The following ENTHD1 variants were observed in gnomAD, a reference collection of about 807,000 sequenced individuals.
The protein encoded by ENTHD1 is ENTH domain-containing protein 1.
Under a neutral mutation model 39.1 loss-of-function variants are expected in ENTHD1, and 23 were observed. The ratio of observed to expected loss-of-function variants is 0.59; its 90% CI spans 0.42 to 0.83. The LOEUF is 0.83. ENTHD1 is among the 40% of genes least tolerant of loss of function. ENTHD1 has a pLI of 0.00. For missense variants in ENTHD1, 624 were observed against 705.4 expected, an observed-to-expected ratio of 0.88 and a Z score of 1.31; for synonymous variants, 230 against 258.2, an observed-to-expected ratio of 0.89 and a Z score of 1.05.
intron 5 of ENTHD1, among the ~76,000 whole-genome samples, chr22:39,812,466 T>A (rs998316586): frequency 2.6e-5 from 4 of 152,206 alleles, no homozygotes; most frequent in Non-Finnish European, 5.9e-5. Flanking sequence ...GTGAAGATAT[T>A]TATTTCACTA....
chr22:39,845,436 T>C (rs1445154127), intron 3 of ENTHD1, among the ~76,000 whole-genome samples: 1 of 151,978 alleles, frequency 6.6e-6, no homozygotes, highest in Non-Finnish European at 1.5e-5. Context: ...ATCAGCAAGA[T>C]GTGAAGAAAT....
At chr22:39,756,420 C>T (rs1284662547) in intron 6 of ENTHD1, among the ~76,000 whole-genome samples, 3 of 151,828 alleles carry the variant, frequency 2.0e-5, no homozygotes, top group Non-Finnish European at 2.9e-5. Flanking sequence ...CTGCAACCTC[C>T]GCCTCCCAGG....
intron 3 of ENTHD1, among the ~76,000 whole-genome samples, chr22:39,853,848 T>C (rs1210987401): frequency 6.6e-6 from 1 of 152,210 alleles, no homozygotes; most frequent in Non-Finnish European, 1.5e-5. Context: ...GTGCTGGGAT[T>C]GCAGGCATGA....
intron 6 of ENTHD1, among the ~76,000 whole-genome samples, chr22:39,760,959 G>A (rs1020281853): frequency 2.6e-5 from 4 of 151,894 alleles, no homozygotes; most frequent in African/African-American, 7.3e-5. Flanking sequence ...AGTATTATAA[G>A]TTTTGCTTTA....
rs905251542 is a variant in ENTHD1 at position 39,765,117 on chromosome 22, CA to C, written c.1219+105del. On this transcript the variant is annotated intron_variant, in intron 6 of 6. Coordinates refer to ENST00000325157, the MANE Select transcript of ENTHD1 (RefSeq NM_152512.4). ...AATGATGAAGAGTGAAAGGAGGGAACAAAAAAAGGAGACAGAAAGCAGAGAA... is the reference window on the plus strand; with the variant it reads ...AATGATGAAGAGTGAAAGGAGGGAACAAAAAAGGAGACAGAAAGCAGAGAA... The C allele has an allele frequency of 5.6e-6, 8 of 1,427,550 alleles. No homozygotes were observed. The African/African-American group carries it at 1.0e-4, about 18-fold the overall frequency. The allele number at this position is 1,427,550 out of a possible 1,614,324, so 88.4% of individuals were successfully genotyped here. A position where few individuals can be genotyped will look rare whatever the true frequency, so the allele number is the denominator to read the frequency against.
chr22:39,779,914 G>A (rs956659762), intron 5 of ENTHD1, among the ~76,000 whole-genome samples: 2 of 151,760 alleles, frequency 1.3e-5, no homozygotes, highest in African/African-American at 4.8e-5. Flanking sequence ...TAAGCCTTGT[G>A]GTAACCGCAA....
intron 5 of ENTHD1, among the ~76,000 whole-genome samples, chr22:39,810,437 T>C (rs2065676493): frequency 6.6e-6 from 1 of 152,144 alleles, no homozygotes; most frequent in Non-Finnish European, 1.5e-5. Flanking sequence ...CAGACCTGCT[T>C]AGTAACCTGC....
At chr22:39,756,936 T>A (rs1252940224) in intron 6 of ENTHD1, among the ~76,000 whole-genome samples, 1 of 152,154 alleles carries the variant, frequency 6.6e-6, no homozygotes, top group Non-Finnish European at 1.5e-5. Context: ...TTTGTTCTTT[T>A]GCTTTCAGGA....
At chr22:39,857,562 A>G (rs1241470649) in intron 3 of ENTHD1, among the ~76,000 whole-genome samples, 2 of 151,612 alleles carry the variant, frequency 1.3e-5, no homozygotes, top group Non-Finnish European at 1.5e-5. Context: ...TTAGGGATTC[A>G]TTTCTTAAGC....
At chr22:39,831,992 A>G (rs560713811) in intron 4 of ENTHD1, among the ~76,000 whole-genome samples, 1 of 152,290 alleles carries the variant, frequency 6.6e-6, no homozygotes, top group African/African-American at 2.4e-5. Context: ...AGAAGCAATG[A>G]GAGGTTCTCT....
At chr22:39,786,977 A>G (rs927596407) in intron 5 of ENTHD1, among the ~76,000 whole-genome samples, 7 of 152,342 alleles carry the variant, frequency 4.6e-5, no homozygotes, top group Admixed American at 2.0e-4. Context: ...AAAAAACAAA[A>G]TTGAAGGTCT....
chr22:39,790,482 G>A (rs539885414), intron 5 of ENTHD1, among the ~76,000 whole-genome samples: 1 of 152,150 alleles, frequency 6.6e-6, no homozygotes, highest in Admixed American at 6.5e-5. Flanking sequence ...CTTCTTCTCA[G>A]ACCTCTCATA....
At chr22:39,795,549 T>C (rs1055285314) in intron 5 of ENTHD1, among the ~76,000 whole-genome samples, 2 of 151,676 alleles carry the variant, frequency 1.3e-5, no homozygotes, top group African/African-American at 4.8e-5. Flanking sequence ...CATTTCAGCC[T>C]CCCAAGTAGT....
At chr22:39,745,488 T>C (rs1164825763) in intron 6 of ENTHD1, among the ~76,000 whole-genome samples, 1 of 152,230 alleles carries the variant, frequency 6.6e-6, no homozygotes, top group African/African-American at 2.4e-5. Context: ...TTCAAAGCTT[T>C]CCATGGCCTA....
chr22:39,806,820 T>C (rs1365955716), intron 5 of ENTHD1, among the ~76,000 whole-genome samples: 1 of 152,268 alleles, frequency 6.6e-6, no homozygotes, highest in East Asian at 1.9e-4. Flanking sequence ...AGTGACATCT[T>C]AGCTAAATCC....
chr22:39,882,097 T>A (rs2066343144), intron 2 of ENTHD1, among the ~76,000 whole-genome samples: 1 of 152,234 alleles, frequency 6.6e-6, no homozygotes, highest in Non-Finnish European at 1.5e-5. Flanking sequence ...ATCTAGCAGT[T>A]TTTCTTTCTT....
chr22:39,893,200 C>T (rs1407561168), intron 1 of ENTHD1: 2 of 152,166 alleles, frequency 1.3e-5, no homozygotes, highest in East Asian at 1.9e-4. Context: ...TTCTCTAAGT[C>T]TCAGTTCCCT....
At chr22:39,812,018 A>AC (rs201183770) in intron 5 of ENTHD1, among the ~76,000 whole-genome samples, 1,918 of 123,794 alleles carry the variant, frequency 0.015, 19 homozygotes, top group African/African-American at 0.019. Flanking sequence ...AAACAAACAA[A>AC]AAAAAAACGA....
chr22:39,855,083 A>T (rs1266504422), intron 3 of ENTHD1, among the ~76,000 whole-genome samples: 2 of 152,146 alleles, frequency 1.3e-5, no homozygotes, highest in African/African-American at 4.8e-5. Context: ...CAGGTCCTGG[A>T]TGCCTGGATT....
Sources: allele counts gnomAD v4.1 joint callset (sites outside exome capture counted in the v4.1 genomes callset), GRCh38; gene constraint gnomAD v4.1.1; transcripts MANE v1.5; gene names NCBI Gene and HGNC (gene_info 2026-07-23, HGNC 2026-07-21).